The following ZNF8 variants were observed in gnomAD, a reference collection of about 807,000 sequenced individuals.
ZNF8 encodes zinc finger protein 272.
In ZNF8, 9 loss-of-function variants were observed where a neutral mutation model predicts 12.2. That is an observed-to-expected ratio of 0.73 (90% confidence interval 0.44 to 1.28). ZNF8 has a LOEUF of 1.28. Among genes scored for constraint, ZNF8 ranks in the 50% most tolerant of loss-of-function variants. The pLI, the probability that ZNF8 is intolerant of heterozygous loss-of-function variation, is 0.00. For synonymous variants in ZNF8, 274 were observed against 282.3 expected, an observed-to-expected ratio of 0.97 and a Z score of 0.30; for missense variants, 664 against 729.1, an observed-to-expected ratio of 0.91 and a Z score of 1.03.
intron 3 of ZNF8, among the ~76,000 whole-genome samples, chr19:58,289,293 C>T (rs1364535903): frequency 1.3e-5 from 2 of 151,934 alleles, no homozygotes; most frequent in African/African-American, 2.4e-5. Context: ...TCCAGGAGTT[C>T]GAGACTAGCC....
At chr19:58,292,147 C>T (rs1033302701) in intron 3 of ZNF8, among the ~76,000 whole-genome samples, 4 of 152,132 alleles carry the variant, frequency 2.6e-5, no homozygotes, top group East Asian at 1.9e-4. Flanking sequence ...TACCACTCAG[C>T]GGTTTTGAGT....
chr19:58,282,377 A>T lies in ZNF8; in HGVS notation c.66+3230A>T, dbSNP rs182791372. Reference sequence around the variant, plus strand: ...TGTATGTGTTCATTACATATTCTAGATACAAGTCTCTTATCAGATATGTGA... The same window carrying T: ...TGTATGTGTTCATTACATATTCTAGTTACAAGTCTCTTATCAGATATGTGA... On this transcript the variant is annotated intron_variant, in intron 1 of 3. Transcript: ENST00000621650. Among the ~76,000 whole-genome samples the T allele has an allele frequency of 2.1e-3, 318 of 152,322 alleles. 3 individuals carry two copies. The highest frequency in any genetic ancestry group is 3.3e-3 in the Non-Finnish European group (223 of 68,026).
At chr19:58,286,344 C>A in intron 3 of ZNF8, 139 bp downstream of exon 3, 1 of 656,224 alleles carries the variant, frequency 1.5e-6, no homozygotes, top group Non-Finnish European at 2.6e-6. Context: ...AGCATAGAGT[C>A]ATGCTGACAG....
Position 58,295,091 on chromosome 19 carries a change from G to T in ZNF8, c.1283G>T (p.Arg428Leu). The change falls in exon 4 of 4, where the codon CGC (arginine) becomes CTC (leucine). Residue 428 changes from arginine to leucine, a missense_variant. By Grantham distance (102) the Arg-to-Leu change is moderately radical (BLOSUM62 -2). Transcript: ENST00000621650. ...KHAGEKPFEC[R>L]QRLIFEQTPA... is the part of the protein sequence containing the mutation. ...GCGGGGGAGAAGCCCTTTGAGTGCCGCCAGAGGCTGATCTTTGAGCAGACG... is the reference window on the plus strand; with the variant it reads ...GCGGGGGAGAAGCCCTTTGAGTGCCTCCAGAGGCTGATCTTTGAGCAGACG... The T allele has an allele frequency of 2.5e-6, 4 of 1,613,942 alleles. No homozygotes were observed. The highest frequency in any genetic ancestry group is 3.4e-6 in the Non-Finnish European group (4 of 1,180,022).
intron 3 of ZNF8, among the ~76,000 whole-genome samples, chr19:58,288,623 C>T (rs1310739421): frequency 6.6e-6 from 1 of 152,088 alleles, no homozygotes; most frequent in Non-Finnish European, 1.5e-5. Context: ...AGTCATGGTC[C>T]CCTTGCTGTG....
At chr19:58,286,086 T>G (rs778038563) in intron 2 of ZNF8, 24 bp from the exon 3 acceptor site, 3 of 1,610,404 alleles carry the variant, frequency 1.9e-6, no homozygotes, top group Non-Finnish European at 2.5e-6. Context: ...GCCCCTCACC[T>G]CCTGTGTTTT....
Position 58,296,231 on chromosome 19 carries a change from C to G in ZNF8, c.*695C>G, listed in dbSNP as rs2051454046. On this transcript the variant is annotated 3_prime_UTR_variant, in exon 4 of 4. Transcript: ENST00000621650. ...TTGATGTGGTCCACTGGGGGCAGTT[C>G]TGTTCCTCACCATCTTGGCAGCATG... 1 of 152,206 alleles carries G rather than the reference C, an allele frequency of 6.6e-6. No individual in the cohort carries two copies. 9.4% of individuals were successfully genotyped at this position (152,206 alleles called of 1,614,324 possible).
Position 58,296,862 on chromosome 19 carries a change from C to G in ZNF8, c.*1326C>G, listed in dbSNP as rs1019541992. ...GGACAGCTCCTCAACAAAGGATTCT[C>G]TAGCTCAAATGTCAATAGTGCCAAG... On this transcript the variant is annotated 3_prime_UTR_variant, in exon 4 of 4. Transcript: ENST00000621650. The G allele has an allele frequency of 1.3e-5, 2 of 152,244 alleles. No homozygotes were observed. Among genetic ancestry groups the G allele is most frequent in the Non-Finnish European group, 2.9e-5 (2 of 68,088 alleles). 9.4% of individuals were successfully genotyped at this position (152,244 alleles called of 1,614,324 possible).
rs1330344256 is a variant in ZNF8, at chr19:58,279,029, C to T, written c.-53C>T. 3 of 1,357,036 alleles carry T rather than the reference C, an allele frequency of 2.2e-6. No homozygotes were observed. Among genetic ancestry groups the T allele is most frequent in the Admixed American group, 3.5e-5 (1 of 28,768 alleles). The allele number at this position is 1,357,036 out of a possible 1,614,324, so 84.1% of individuals were successfully genotyped here. On this transcript the variant is annotated 5_prime_UTR_variant, in exon 1 of 4. Transcript: ENST00000621650. ...TCGGGTGGTCCCTTTGGCTGGAGTG[C>T]CTCTCTGGTCTGGGGATCACCTCAG...
chr19:58,301,244 C>A lies in ZNF8; in HGVS notation c.*5708C>A, dbSNP rs966916325. Reference sequence around the variant, plus strand: ...CCTGGAGGCTGTTTCCACTTGCCATCCCATCATGGAAGCCAGAAAACCAGT... The same window carrying A: ...CCTGGAGGCTGTTTCCACTTGCCATACCATCATGGAAGCCAGAAAACCAGT... On this transcript the variant is annotated 3_prime_UTR_variant, in exon 4 of 4. Transcript: ENST00000621650. The A allele has an allele frequency of 6.6e-6, 1 of 152,246 alleles. No homozygotes were observed. The highest frequency in any genetic ancestry group is 2.4e-5 in the African/African-American group (1 of 41,448). The allele number at this position is 152,246 out of a possible 1,614,324, so 9.4% of individuals were successfully genotyped here.
At chr19:58,282,930 T>C (rs577262038) in intron 1 of ZNF8, among the ~76,000 whole-genome samples, 1 of 151,480 alleles carries the variant, frequency 6.6e-6, no homozygotes, top group South Asian at 2.1e-4. Context: ...GCCCAGCCTC[T>C]TACATTTATG....
chr19:58,289,075 T>A (rs2051401740), intron 3 of ZNF8, among the ~76,000 whole-genome samples: 1 of 152,172 alleles, frequency 6.6e-6, no homozygotes, highest in African/African-American at 2.4e-5. Context: ...TAGACAGTTA[T>A]AAATACTCCA....
In ZNF8 at chr19:58,300,478, TAGTCTCACTGGCCAC is replaced by T. The variant is rs1159064373; in HGVS notation, c.*4945_*4959del. The stretch of plus-strand genomic sequence containing the variant: ...AGAAGCCTGCAGCACATGCCCCCCT[TAGTCTCACTGGCCAC>T]AGATGGGTCAGGGGGCCACCCCTAA... On this transcript the variant is annotated 3_prime_UTR_variant, in exon 4 of 4. Transcript: ENST00000621650. 1 of 152,276 alleles carries T rather than the reference TAGTCTCACTGGCCAC, an allele frequency of 6.6e-6. No individual in the cohort carries two copies. The highest frequency in any genetic ancestry group is 1.5e-5 in the Non-Finnish European group (1 of 68,080). 9.4% of individuals were successfully genotyped at this position (152,276 alleles called of 1,614,324 possible).
chr19:58,285,486 G>C (rs919916090), intron 1 of ZNF8, among the ~76,000 whole-genome samples: 3 of 152,172 alleles, frequency 2.0e-5, no homozygotes, highest in African/African-American at 7.2e-5. Context: ...ATGTAGGTCA[G>C]CTCTGCCTGG....
At chr19:58,289,286 A>T (rs1453342167) in intron 3 of ZNF8, among the ~76,000 whole-genome samples, 1 of 152,298 alleles carries the variant, frequency 6.6e-6, no homozygotes, top group African/African-American at 2.4e-5. Context: ...ACTTGAGTCC[A>T]GGAGTTCGAG....
chr19:58,293,316 C>T (rs1162929422), intron 3 of ZNF8, among the ~76,000 whole-genome samples: 4 of 152,208 alleles, frequency 2.6e-5, no homozygotes, highest in African/African-American at 9.6e-5. Flanking sequence ...TCCATTATCT[C>T]TCCCGTTGTC....
chr19:58,279,096 C>T lies in ZNF8; in HGVS notation c.15C>T (p.Asp5=). The change falls in exon 1 of 4, where the codon GAC becomes GAT. Residue 5 remains aspartate, a synonymous_variant. Coordinates refer to ENST00000621650, the MANE Select transcript of ZNF8 (RefSeq NM_021089.3). The part of the protein sequence containing the change: MDPE[D]EGVAGVMSVG... ...GGCGATCCAGCATGGACCCCGAGGA[C>T]GAAGGGGTAGCGGGAGTGATGTCTG... The T allele has an allele frequency of 6.5e-7, 1 of 1,534,514 alleles. No homozygotes were observed. The highest frequency in any genetic ancestry group is 8.8e-7 in the Non-Finnish European group (1 of 1,135,764).
In ZNF8 at chr19:58,279,088, C is replaced by A; in HGVS notation, c.7C>A (p.Pro3Thr). 6.6e-7 allele frequency: 1 copy of A among 1,522,528 alleles called. No individual in the cohort carries two copies. Among genetic ancestry groups the A allele is most frequent in the South Asian group, 1.3e-5 (1 of 78,446 alleles). 94.3% of individuals were successfully genotyped at this position (1,522,528 alleles called of 1,614,324 possible). MD[P>T]EDEGVAGVMS... ...CTTCACTGGGCGATCCAGCATGGAC[C>A]CCGAGGACGAAGGGGTAGCGGGAGT... Residue 3 changes from proline (P) to threonine (T), a missense_variant, in exon 1 of 4, where the codon CCC becomes ACC. Physicochemically the swap from Pro to Thr is conservative, Grantham distance 38. Transcript: ENST00000621650.
In ZNF8 at chr19:58,295,334, A is replaced by G. The variant is rs539431767; in HGVS notation, c.1526A>G (p.Asn509Ser). 60 of 1,614,204 alleles carry G rather than the reference A, an allele frequency of 3.7e-5. 2 individuals carry two copies. In the South Asian group the frequency reaches 6.5e-4, roughly 17 times the overall value. ...CGGCGTGAACAATCCTCGAGCAGGAACTCACACCTGGTTCAGCATCAACAC... is the reference window on the plus strand; with the variant it reads ...CGGCGTGAACAATCCTCGAGCAGGAGCTCACACCTGGTTCAGCATCAACAC... The part of the protein sequence containing the change: ...SRRREQSSSR[N>S]SHLVQHQHPN... Residue 509 changes from asparagine to serine, a missense_variant, in exon 4 of 4, where the codon AAC becomes AGC. By Grantham distance (46) the Asn-to-Ser change is conservative. Around this residue, in one of 3 missense-constraint regions of ZNF8, gnomAD observed 225 missense variants for 222.0 expected, o/e 1.01. Coordinates refer to ENST00000621650, the MANE Select transcript of ZNF8 (RefSeq NM_021089.3).
Sources: gnomAD v4.1 joint callset for allele counts (sites outside exome capture counted in the v4.1 genomes callset) on GRCh38, gnomAD v4.1.1 for gene constraint, gnomAD v4.1.1 regional missense constraint, MANE v1.5 for transcripts, NCBI Gene and HGNC (gene_info 2026-07-23, HGNC 2026-07-21) for gene names.